ENOX1: variants seen among roughly 807,000 people sequenced by gnomAD.
ENOX1 encodes ecto-NOX disulfide-thiol exchanger 1.
A neutral mutation model predicts 82.5 loss-of-function variants in ENOX1; 42 were observed. The ratio of observed to expected loss-of-function variants is 0.51; its 90% CI spans 0.40 to 0.66. The LOEUF (loss-of-function observed/expected upper bound fraction) is 0.66. Among genes scored for constraint, ENOX1 ranks in the 30% least tolerant of loss-of-function variants. ENOX1 has a pLI of 0.00. For missense variants in ENOX1, 608 were observed against 811.6 expected (o/e 0.75, Z 3.05); for synonymous variants, 271 against 282.2 (o/e 0.96, Z 0.40).
chr13:43,642,925 G>T (rs781606742), intron 2 of ENOX1, among the ~76,000 whole-genome samples: 10 of 152,076 alleles, frequency 6.6e-5, no homozygotes, highest in African/African-American at 2.4e-4. Context: ...ATTAATATTT[G>T]TGTCCATGAT....
At chr13:43,329,957 A>G (rs2048329823) in intron 9 of ENOX1, among the ~76,000 whole-genome samples, 1 of 152,204 alleles carries the variant, frequency 6.6e-6, no homozygotes, top group South Asian at 2.1e-4. Context: ...TTAGGGAAAA[A>G]GCACCTCTAA....
At chr13:43,555,743 T>C (rs754189143) in intron 2 of ENOX1, among the ~76,000 whole-genome samples, 3 of 152,124 alleles carry the variant, frequency 2.0e-5, no homozygotes, top group Non-Finnish European at 2.9e-5. Context: ...GCTACAAAAC[T>C]AGTCTCCAAA....
intron 2 of ENOX1, among the ~76,000 whole-genome samples, chr13:43,638,705 G>C (rs1461448697): frequency 6.6e-6 from 1 of 152,132 alleles, no homozygotes; most frequent in Non-Finnish European, 1.5e-5. Context: ...TAAATTGTGT[G>C]TGTTAATGCA....
chr13:43,537,367 TA>T (rs1383343407), intron 2 of ENOX1, among the ~76,000 whole-genome samples: 1 of 152,134 alleles, frequency 6.6e-6, no homozygotes, highest in Non-Finnish European at 1.5e-5. Context: ...TGCTGGTGAT[TA>T]GTGGTAAATA....
intron 3 of ENOX1, among the ~76,000 whole-genome samples, chr13:43,420,008 A>G (rs2153606006): frequency 6.6e-6 from 1 of 152,200 alleles, no homozygotes; most frequent in East Asian, 1.9e-4. Context: ...AGCTTATTTC[A>G]TATGGTATCA....
At chr13:43,228,320 C>T (rs1420911689) in intron 15 of ENOX1, among the ~76,000 whole-genome samples, 1 of 151,970 alleles carries the variant, frequency 6.6e-6, no homozygotes, top group Non-Finnish European at 1.5e-5. Context: ...AAGGGGATGG[C>T]TCAACAATTG....
chr13:43,543,378 T>C (rs1197301915), intron 2 of ENOX1, among the ~76,000 whole-genome samples: 7 of 152,124 alleles, frequency 4.6e-5, no homozygotes, highest in Admixed American at 4.6e-4. Context: ...ATACTGTATG[T>C]AATAGAGGTA....
intron 1 of ENOX1, among the ~76,000 whole-genome samples, chr13:43,739,633 G>A (rs2089802663): frequency 1.3e-5 from 2 of 151,508 alleles, no homozygotes; most frequent in South Asian, 4.2e-4. Flanking sequence ...ATGATTCTAA[G>A]ACCAAGAGAG....
intron 16 of ENOX1, among the ~76,000 whole-genome samples, chr13:43,222,380 T>TACGCACACACAC (rs1555287402): frequency 6.7e-6 from 1 of 149,090 alleles, no homozygotes; most frequent in African/African-American, 2.5e-5. Flanking sequence ...GAGATGATTT[T>TACGCACACACAC]ACACACACAC....
intron 2 of ENOX1, among the ~76,000 whole-genome samples, chr13:43,595,818 A>C (rs1187212569): frequency 6.6e-6 from 1 of 152,218 alleles, no homozygotes; most frequent in African/African-American, 2.4e-5. Context: ...GCTACTTGCA[A>C]ATTAGTGTCT....
intron 14 of ENOX1, among the ~76,000 whole-genome samples, chr13:43,239,014 G>T (rs562652500): frequency 2.8e-4 from 42 of 152,272 alleles, no homozygotes; most frequent in African/African-American, 1.0e-3. Flanking sequence ...TAGAAAGGGG[G>T]ACTCTGAGCA....
intron 2 of ENOX1, among the ~76,000 whole-genome samples, chr13:43,561,451 G>T (rs1304143626): frequency 6.6e-6 from 1 of 152,148 alleles, no homozygotes; most frequent in African/African-American, 2.4e-5. Flanking sequence ...TATAGGAACA[G>T]TGCCATCAGA....
intron 12 of ENOX1, among the ~76,000 whole-genome samples, chr13:43,274,872 G>A (rs1449377206): frequency 6.6e-6 from 1 of 152,200 alleles, no homozygotes; most frequent in African/African-American, 2.4e-5. Context: ...ACTTCAGTAT[G>A]TAATGGGTCT....
intron 11 of ENOX1, among the ~76,000 whole-genome samples, chr13:43,302,079 A>G (rs2046608616): frequency 6.7e-6 from 1 of 150,204 alleles, no homozygotes; most frequent in African/African-American, 2.5e-5. Context: ...AGACTGCACA[A>G]TGAATCCACT....
intron 11 of ENOX1, among the ~76,000 whole-genome samples, chr13:43,319,368 G>C (rs1225422311): frequency 6.6e-6 from 1 of 151,942 alleles, no homozygotes; most frequent in Non-Finnish European, 1.5e-5. Context: ...TATAGCCAAA[G>C]ACATATTGCA....
intron 1 of ENOX1, among the ~76,000 whole-genome samples, chr13:43,739,124 C>A (rs1053334828): frequency 6.6e-6 from 1 of 152,194 alleles, no homozygotes; most frequent in African/African-American, 2.4e-5. Flanking sequence ...AACAATCTTA[C>A]ACTAAGTCAT....
intron 4 of ENOX1, 75 bp from the exon 5 acceptor site, chr13:43,412,128 A>T (rs1376788297): frequency 1.3e-6 from 2 of 1,544,284 alleles, no homozygotes; most frequent in African/African-American, 1.4e-5. Flanking sequence ...ACATTTCTAG[A>T]TATGTGAGGC....
In ENOX1 at chr13:43,747,930, T is replaced by C. The variant is rs180753391; in HGVS notation, c.-285+38722A>G. ...TTAGCGTTTGCTTCAAGTAGGAATT[T>C]AGACAACAAATCATGGTAGCATTAG... On this transcript the variant is annotated intron_variant, in intron 1 of 16. Transcript: ENST00000690772. Among the ~76,000 whole-genome samples, 396 of 152,334 alleles carry C rather than the reference T, an allele frequency of 2.6e-3. 1 individual carries two copies. Among genetic ancestry groups the C allele is most frequent in the Non-Finnish European group, 2.2e-3 (153 of 68,028 alleles).
At chr13:43,526,674 T>G (rs2078003022) in intron 2 of ENOX1, among the ~76,000 whole-genome samples, 1 of 152,110 alleles carries the variant, frequency 6.6e-6, no homozygotes, top group South Asian at 2.1e-4. Context: ...AGTTGAGGGG[T>G]ACCAGTTCAA....
Sources: allele counts gnomAD v4.1 joint callset (sites outside exome capture counted in the v4.1 genomes callset), GRCh38; gene constraint gnomAD v4.1.1; transcripts MANE v1.5; gene names NCBI Gene and HGNC (gene_info 2026-07-23, HGNC 2026-07-21).